AGBL4: variants seen among roughly 807,000 people sequenced by gnomAD.
AGBL4 encodes AGBL carboxypeptidase 4.
Under a neutral mutation model 66.4 loss-of-function variants are expected in AGBL4, and 58 were observed. The observed-to-expected ratio is 0.87, with a 90% CI of 0.71 to 1.09. The LOEUF is 1.09. Ranked by LOEUF, AGBL4 falls within the 50% of genes least tolerant of loss-of-function variation. AGBL4 has a pLI of 0.00. For synonymous variants in AGBL4, 234 were observed against 222.9 expected (o/e 1.05, Z -0.44); for missense variants, 579 against 631.0 (o/e 0.92, Z 0.88).
intron 2 of AGBL4, among the ~76,000 whole-genome samples, chr1:49,802,861 ATCT>A: frequency 6.6e-6 from 1 of 152,278 alleles, no homozygotes; most frequent in African/African-American, 2.4e-5. Context: ...TCCCACAATA[ATCT>A]TCTACCAATA....
chr1:48,916,597 T>C (rs545112602), intron 5 of AGBL4, among the ~76,000 whole-genome samples: 77 of 152,276 alleles, frequency 5.1e-4, no homozygotes, highest in Non-Finnish European at 6.8e-4. Flanking sequence ...TGTTTCCTTG[T>C]TCAAAAAAAC....
At chr1:48,545,531 G>T (rs1057472422) in intron 11 of AGBL4, among the ~76,000 whole-genome samples, 4 of 152,136 alleles carry the variant, frequency 2.6e-5, no homozygotes, top group African/African-American at 9.7e-5. Flanking sequence ...GCTTTTCATT[G>T]TATTGTAGAA....
intron 1 of AGBL4, among the ~76,000 whole-genome samples, chr1:49,947,447 C>A (rs141091003): frequency 1.1e-4 from 16 of 151,606 alleles, no homozygotes; most frequent in African/African-American, 3.6e-4. Context: ...AAAATCACAT[C>A]ATCATCTTAA....
intron 3 of AGBL4, among the ~76,000 whole-genome samples, chr1:49,579,094 C>T (rs945612017): frequency 2.6e-5 from 4 of 152,214 alleles, no homozygotes; most frequent in African/African-American, 4.8e-5. Flanking sequence ...TGTCCTTGAA[C>T]ATTGGACTCC....
intron 3 of AGBL4, among the ~76,000 whole-genome samples, chr1:49,477,820 A>T (rs1189147889): frequency 6.6e-6 from 1 of 151,966 alleles, no homozygotes. Context: ...AAGATAACAC[A>T]GAGAAGGAAT....
At chr1:49,876,634 G>A (rs1162935125) in intron 1 of AGBL4, among the ~76,000 whole-genome samples, 3 of 24,378 alleles carry the variant, frequency 1.2e-4, no homozygotes, top group African/African-American at 5.4e-4. Flanking sequence ...TTGACTTGGC[G>A]ATGCAGGCTC....
At chr1:49,909,591 G>A (rs1351703948) in intron 1 of AGBL4, among the ~76,000 whole-genome samples, 2 of 152,160 alleles carry the variant, frequency 1.3e-5, no homozygotes, top group African/African-American at 4.8e-5. Context: ...TATTGGAGAG[G>A]TAGGGGATCA....
At position 48,662,265 on chromosome 1, in the gene AGBL4, A is replaced by T. The variant is rs564258354; in HGVS notation, c.724+887T>A. Among the ~76,000 whole-genome samples the T allele has an allele frequency of 1.4e-4, 22 of 152,316 alleles. No individual in the cohort carries two copies. The South Asian group carries it at 3.9e-3, about 27-fold the overall frequency. On this transcript the variant is annotated intron_variant, in intron 7 of 13. Transcript: ENST00000371839. ...AGGACTGGGTGTGCTGTTTATATTC[A>T]TCTCATGCCAGCTTCGTAACAGCCT...
chr1:49,877,115 T>C (rs1647035671), intron 1 of AGBL4, among the ~76,000 whole-genome samples: 1 of 151,698 alleles, frequency 6.6e-6, no homozygotes, highest in South Asian at 2.1e-4. Flanking sequence ...CAGGGACAAT[T>C]TGACTTCCTC....
chr1:49,289,189 A>G (rs1644488124), intron 3 of AGBL4, among the ~76,000 whole-genome samples: 1 of 152,214 alleles, frequency 6.6e-6, no homozygotes, highest in Non-Finnish European at 1.5e-5. Context: ...AAAGAATTAA[A>G]TGAAAATTAC....
At chr1:49,550,269 T>C (rs1283988357) in intron 3 of AGBL4, among the ~76,000 whole-genome samples, 2 of 152,226 alleles carry the variant, frequency 1.3e-5, no homozygotes, top group Admixed American at 1.3e-4. Flanking sequence ...ATTTAGGCCA[T>C]TTACATTCAA....
intron 9 of AGBL4, among the ~76,000 whole-genome samples, chr1:48,615,006 A>G (rs1236634145): frequency 6.6e-6 from 1 of 152,180 alleles, no homozygotes; most frequent in African/African-American, 2.4e-5. Flanking sequence ...AAGCAATGGC[A>G]TGAACATCTG....
At chr1:48,759,362 C>A in intron 6 of AGBL4, 1 of 1,492,672 alleles carries the variant, frequency 6.7e-7, no homozygotes. Context: ...TTTCCCCAGA[C>A]AATCCTAAAA....
chr1:49,029,654 CT>C (rs926564791), intron 5 of AGBL4, among the ~76,000 whole-genome samples: 41 of 152,140 alleles, frequency 2.7e-4, no homozygotes, highest in African/African-American at 9.2e-4. Flanking sequence ...TCTCATCTGG[CT>C]TTTTTGTAGA....
intron 3 of AGBL4, among the ~76,000 whole-genome samples, chr1:49,299,536 A>T (rs1440121171): frequency 6.6e-6 from 1 of 152,208 alleles, no homozygotes; most frequent in African/African-American, 2.4e-5. Context: ...GTTACAATTG[A>T]TATTACTTTA....
At chr1:49,606,538 C>G (rs1013374600) in intron 3 of AGBL4, among the ~76,000 whole-genome samples, 2 of 152,092 alleles carry the variant, frequency 1.3e-5, no homozygotes, top group Non-Finnish European at 2.9e-5. Flanking sequence ...TGGCCTGAAG[C>G]TGTTTCAGTC....
intron 3 of AGBL4, among the ~76,000 whole-genome samples, chr1:49,652,344 T>C (rs1426380081): frequency 6.6e-6 from 1 of 152,114 alleles, no homozygotes; most frequent in Non-Finnish European, 1.5e-5. Flanking sequence ...ACAAGAAATA[T>C]AGAGAACACC....
rs139510990 is a variant in AGBL4, at chr1:48,682,046, G to T, written c.635-18805C>A. 1.6e-3 allele frequency among the ~76,000 whole-genome samples: 241 copies of T among 152,342 alleles called. 1 individual carries two copies. The highest frequency in any genetic ancestry group is 5.3e-3 in the African/African-American group (222 of 41,568). ...TGGGTCCTAATCCAGTATGACTGGT[G>T]TCCTTGTAAGAAAAGGAGATTAGGA... On this transcript the variant is annotated intron_variant, in intron 6 of 13. Transcript: ENST00000371839.
intron 5 of AGBL4, among the ~76,000 whole-genome samples, chr1:49,006,068 T>A (rs530559306): frequency 6.6e-6 from 1 of 151,410 alleles, no homozygotes; most frequent in South Asian, 2.1e-4. Flanking sequence ...GCTCCCAGCG[T>A]GAGCGACGCA....
Sources: gnomAD v4.1 joint callset for allele counts (sites outside exome capture counted in the v4.1 genomes callset) on GRCh38, gnomAD v4.1.1 for gene constraint, MANE v1.5 for transcripts, NCBI Gene and HGNC (gene_info 2026-07-23, HGNC 2026-07-21) for gene names.